The following TRPC1 variants were observed in gnomAD, a reference collection of about 807,000 sequenced individuals.
TRPC1 encodes transient receptor potential cation channel subfamily C member 1, also known as short transient receptor potential channel 1.
A neutral mutation model predicts 88.2 loss-of-function variants in TRPC1; 42 were observed. That is an observed-to-expected ratio of 0.48 (90% CI 0.37 to 0.62). The LOEUF (loss-of-function observed/expected upper bound fraction) is 0.62. TRPC1 is among the 20% of genes least tolerant of loss of function. The pLI, the probability that TRPC1 is intolerant of heterozygous loss-of-function variation, is 0.00. For synonymous variants in TRPC1, 288 were observed against 331.8 expected (o/e 0.87, Z 1.43); for missense variants, 699 against 957.3 (o/e 0.73, Z 3.56).
At chr3:142,745,104 T>C (rs142060084) in intron 3 of TRPC1, among the ~76,000 whole-genome samples, 2 of 152,276 alleles carry the variant, frequency 1.3e-5, no homozygotes, top group East Asian at 1.9e-4. Context: ...CTAGTTTAAG[T>C]GGTGGTAAGA....
intron 9 of TRPC1, among the ~76,000 whole-genome samples, chr3:142,794,316 T>C (rs1368139543): frequency 6.6e-6 from 1 of 152,104 alleles, no homozygotes; most frequent in African/African-American, 2.4e-5. Flanking sequence ...AATTTCTTTA[T>C]GGACTCCTAT....
chr3:142,767,585 TATTATATATAAATAA>T lies in TRPC1; in HGVS notation c.633-10037_633-10023del, dbSNP rs1281493261. 2.0e-5 allele frequency among the ~76,000 whole-genome samples: 3 copies of T among 147,996 alleles called. No individual in the cohort carries two copies. Among genetic ancestry groups the T allele is most frequent in the Non-Finnish European group, 3.0e-5 (2 of 67,086 alleles). On this transcript the variant is annotated intron_variant, in intron 4 of 12. Coordinates refer to ENST00000476941, the MANE Select transcript of TRPC1 (RefSeq NM_001251845.2). This position sits in a 1 kb window ranked among gnomAD's most constrained non-coding sequence, Gnocchi z 5.1. ...GTTAAGATATCTTTATATATAAATA[TATTATATATAAATAA>T]ATTATATATCTTTATATATCATATC... is the stretch of plus-strand genomic sequence containing the variant.
Position 142,792,031 on chromosome 3 carries a change from A to C in TRPC1, c.1438-793A>C, listed in dbSNP as rs1936308958. On this transcript the variant is annotated intron_variant, in intron 8 of 12. Transcript: ENST00000476941. This position sits in a 1 kb window ranked among gnomAD's most constrained non-coding sequence, Gnocchi z 4.0. ...TTTTTTATTAGTTCTTAGATTATTG[A>C]AAAGGCAAGCTCATTATTTTACATA... 6.6e-6 allele frequency among the ~76,000 whole-genome samples: 1 copy of C among 152,034 alleles called. No homozygotes were observed. Among genetic ancestry groups the C allele is most frequent in the Admixed American group, 6.6e-5 (1 of 15,248 alleles).
chr3:142,772,447 C>G (rs1935609567), intron 4 of TRPC1, among the ~76,000 whole-genome samples: 1 of 151,958 alleles, frequency 6.6e-6, no homozygotes, highest in African/African-American at 2.4e-5. Flanking sequence ...TACTGTTGAG[C>G]CCTGTATTAG....
rs1935793304 is a variant in TRPC1 at position 142,776,883 on chromosome 3, C to T, written c.633-749C>T. ...GTGCCATTGCACTCCGGTCTGGTGA[C>T]AGAGTGAGACTCCATCTCAAAAAAA... On this transcript the variant is annotated intron_variant, in intron 4 of 12. Coordinates refer to ENST00000476941, the MANE Select transcript of TRPC1 (RefSeq NM_001251845.2). This position sits in a 1 kb window ranked among gnomAD's most constrained non-coding sequence, Gnocchi z 4.1. Among the ~76,000 whole-genome samples the T allele has an allele frequency of 6.7e-6, 1 of 148,958 alleles. No homozygotes were observed. The highest frequency in any genetic ancestry group is 1.5e-5 in the Non-Finnish European group (1 of 67,618).
intron 7 of TRPC1, among the ~76,000 whole-genome samples, chr3:142,787,810 C>T (rs749530328): frequency 6.6e-6 from 1 of 152,084 alleles, no homozygotes; most frequent in African/African-American, 2.4e-5. Context: ...GGGGCATTTG[C>T]CCTAGTCAGG....
intron 8 of TRPC1, among the ~76,000 whole-genome samples, chr3:142,791,401 C>G (rs1334734465): frequency 1.3e-5 from 2 of 152,018 alleles, no homozygotes; most frequent in African/African-American, 4.8e-5. Flanking sequence ...TATACTTTAT[C>G]TCTTTTTATC....
chr3:142,757,864 G>C (rs1306587985), intron 4 of TRPC1, among the ~76,000 whole-genome samples: 1 of 151,898 alleles, frequency 6.6e-6, no homozygotes, highest in Non-Finnish European at 1.5e-5. Flanking sequence ...TATTTATTGG[G>C]TACATGGGAT....
At position 142,724,469 on chromosome 3, in the gene TRPC1, C is replaced by T. The variant is rs1484675503; in HGVS notation, c.-91C>T. 1.6e-5 allele frequency: 21 copies of T among 1,306,838 alleles called. No homozygotes were observed. The highest frequency in any genetic ancestry group is 1.8e-5 in the Non-Finnish European group (18 of 991,958). 81.0% of individuals were successfully genotyped at this position (1,306,838 alleles called of 1,614,324 possible). A position where few individuals can be genotyped will look rare whatever the true frequency, so the allele number is the denominator to read the frequency against. On this transcript the variant is annotated 5_prime_UTR_variant, in exon 1 of 13. The change creates a premature stop within an existing upstream ORF in the 5' untranslated region. Coordinates refer to ENST00000476941, the MANE Select transcript of TRPC1 (RefSeq NM_001251845.2). This position sits in a 1 kb window ranked among gnomAD's most constrained non-coding sequence, Gnocchi z 5.6. ...CAGTGGGAACGACTCATCCTTTTTC[C>T]AGCCCTGGGGCGTGGCTGGGGTCGG...
intron 2 of TRPC1, among the ~76,000 whole-genome samples, chr3:142,738,909 T>G (rs776119053): frequency 3.9e-5 from 6 of 152,174 alleles, no homozygotes; most frequent in Non-Finnish European, 7.3e-5. Flanking sequence ...TACTTAATCC[T>G]CACAATATAG....
intron 3 of TRPC1, among the ~76,000 whole-genome samples, chr3:142,747,405 C>G (rs929144256): frequency 6.6e-6 from 1 of 151,942 alleles, no homozygotes; most frequent in Non-Finnish European, 1.5e-5. Flanking sequence ...TTATTTAAGC[C>G]TGGTTCTTTA....
intron 1 of TRPC1, among the ~76,000 whole-genome samples, chr3:142,725,155 C>A (rs540565167): frequency 1.3e-5 from 2 of 152,314 alleles, no homozygotes; most frequent in East Asian, 3.9e-4. Context: ...CCTTAGGATG[C>A]CTCGTATGGA....
chr3:142,801,693 T>C (rs1265806725), intron 9 of TRPC1, among the ~76,000 whole-genome samples: 2 of 152,154 alleles, frequency 1.3e-5, no homozygotes, highest in Non-Finnish European at 2.9e-5. Flanking sequence ...GGCAGTCCCA[T>C]AGGAGGAAAT....
chr3:142,786,069 G>A (rs1011532522), intron 7 of TRPC1, among the ~76,000 whole-genome samples: 11 of 152,168 alleles, frequency 7.2e-5, no homozygotes, highest in South Asian at 2.1e-4. Context: ...GTCGGGGTGC[G>A]TGTGGAGAGT....
At chr3:142,772,114 A>G (rs1042532761) in intron 4 of TRPC1, among the ~76,000 whole-genome samples, 4 of 151,842 alleles carry the variant, frequency 2.6e-5, no homozygotes, top group Non-Finnish European at 5.9e-5. Context: ...GACTTTCAGC[A>G]TTTTTACTAT....
chr3:142,784,698 T>A lies in TRPC1; in HGVS notation c.961-6T>A. On this transcript the variant is annotated splice_region_variant and splice_polypyrimidine_tract_variant and intron_variant, in intron 6 of 12. Coordinates refer to ENST00000476941, the MANE Select transcript of TRPC1 (RefSeq NM_001251845.2). ...TCTTTTTAATGTGTGTGTATGTCCTTTTCAGTTTGTCTCCCAGTCTAACTG... is the reference window on the plus strand; with the variant it reads ...TCTTTTTAATGTGTGTGTATGTCCTATTCAGTTTGTCTCCCAGTCTAACTG... The A allele has an allele frequency of 6.2e-7, 1 of 1,604,896 alleles. No homozygotes were observed. The highest frequency in any genetic ancestry group is 2.2e-5 in the East Asian group (1 of 44,800).
chr3:142,744,512 A>G (rs527542832), intron 3 of TRPC1, among the ~76,000 whole-genome samples: 1 of 152,332 alleles, frequency 6.6e-6, no homozygotes, highest in South Asian at 2.1e-4. Context: ...AAGATAGGAA[A>G]TATAAATGAT....
At chr3:142,748,563 C>G (rs1934640615) in intron 4 of TRPC1, 103 bp downstream of exon 4, 1 of 1,257,978 alleles carries the variant, frequency 7.9e-7, no homozygotes. Context: ...AAATGTGATG[C>G]TGGGGTGACT....
chr3:142,763,011 T>G (rs1051691132), intron 4 of TRPC1, among the ~76,000 whole-genome samples: 1 of 152,208 alleles, frequency 6.6e-6, no homozygotes, highest in Admixed American at 6.5e-5. Context: ...TTTCTAGTTT[T>G]ATTCCATATG....
Sources: allele counts gnomAD v4.1 joint callset (sites outside exome capture counted in the v4.1 genomes callset), GRCh38; gene constraint gnomAD v4.1.1; non-coding constraint Gnocchi (gnomAD v3.1); transcripts MANE v1.5; gene names NCBI Gene and HGNC (gene_info 2026-07-23, HGNC 2026-07-21).